KCNQ1: variants seen among roughly 807,000 people sequenced by gnomAD.
KCNQ1 encodes the protein potassium voltage-gated channel subfamily KQT member 1.
Under a neutral mutation model 72.4 loss-of-function variants are expected in KCNQ1, and 49 were observed. The observed-to-expected ratio is 0.68, with a 90% CI of 0.54 to 0.86. KCNQ1 has a LOEUF of 0.86. Ranked by LOEUF, KCNQ1 falls within the 40% of genes least tolerant of loss-of-function variation. The probability of loss-of-function intolerance (pLI) is 0.00; values close to 1 mark genes in which losing one functional copy is unlikely to be tolerated. For synonymous variants in KCNQ1, 450 were observed against 412.6 expected (o/e 1.09, Z -1.10); for missense variants, 790 against 945.1 (o/e 0.84, Z 2.15).
At chr11:2,728,462 G>C (rs773017351) in intron 11 of KCNQ1, among the ~76,000 whole-genome samples, 1 of 152,246 alleles carries the variant, frequency 6.6e-6, no homozygotes, top group East Asian at 1.9e-4. Flanking sequence ...TTGGTGACAA[G>C]AGCTAGGCTG....
In KCNQ1 at chr11:2,746,453, G is replaced by A. The variant is rs2133957944; in HGVS notation, c.1515-22391G>A. ...CCGGGCCCCACCCAGGGTCCCATGT[G>A]ACATTCCTCATCCGTCTCCCTGGGC... On this transcript the variant is annotated intron_variant, in intron 11 of 15. Transcript: ENST00000155840. This position sits in a 1 kb window ranked among gnomAD's most constrained non-coding sequence, Gnocchi z 5.9. 6.6e-6 allele frequency among the ~76,000 whole-genome samples: 1 copy of A among 152,250 alleles called. No individual in the cohort carries two copies. The highest frequency in any genetic ancestry group is 6.5e-5 in the Admixed American group (1 of 15,306).
In KCNQ1 at chr11:2,661,305, A is replaced by G; in HGVS notation, c.1394-656A>G. 2.5e-6 allele frequency: 1 copy of G among 401,028 alleles called. No individual in the cohort carries two copies. Among genetic ancestry groups the G allele is most frequent in the Non-Finnish European group, 4.4e-6 (1 of 227,554 alleles). 24.8% of individuals were successfully genotyped at this position (401,028 alleles called of 1,614,324 possible). On this transcript the variant is annotated intron_variant, in intron 10 of 15. Coordinates refer to ENST00000155840, the MANE Select transcript of KCNQ1 (RefSeq NM_000218.3). This position sits in a 1 kb window ranked among gnomAD's most constrained non-coding sequence, Gnocchi z 5.9. ...GAGCAAATACTGATAGTGTCAACAG[A>G]GAGTGGGGAGTGATAAGGATCAGTA...
rs1846123677 is a variant in KCNQ1 at position 2,451,911 on chromosome 11, CAAGTG to C, written c.386+6429_386+6433del. On this transcript the variant is annotated intron_variant, in intron 1 of 15. Transcript: ENST00000155840. This position sits in a 1 kb window ranked among gnomAD's most constrained non-coding sequence, Gnocchi z 6.4. ...AGAAGCCCTTAGGATGCTGTGGTCT[CAAGTG>C]AGGTGGTGCACTATTCCTGGCCTCA... Among the ~76,000 whole-genome samples the C allele has an allele frequency of 1.3e-5, 2 of 152,176 alleles. No individual in the cohort carries two copies. Among genetic ancestry groups the C allele is most frequent in the South Asian group, 4.1e-4 (2 of 4,832 alleles).
intron 11 of KCNQ1, chr11:2,665,028 G>A: frequency 2.5e-6 from 1 of 398,674 alleles, no homozygotes; most frequent in Non-Finnish European, 4.4e-6. Flanking sequence ...GGTGGGGTGG[G>A]GGGTGAGCAG....
At chr11:2,575,032 G>A (rs956780043) in intron 6 of KCNQ1, among the ~76,000 whole-genome samples, 3 of 152,182 alleles carry the variant, frequency 2.0e-5, no homozygotes, top group Non-Finnish European at 4.4e-5. Context: ...GGGCAGTGAG[G>A]AGCTGGCGGT....
chr11:2,691,221 T>C lies in KCNQ1; in HGVS notation c.1514+29140T>C, dbSNP rs1850582538. The C allele has an allele frequency of 7.5e-6, 3 of 398,440 alleles. No individual in the cohort carries two copies. The highest frequency in any genetic ancestry group is 8.8e-5 in the Admixed American group (2 of 22,706). 24.7% of individuals were successfully genotyped at this position (398,440 alleles called of 1,614,324 possible). On this transcript the variant is annotated intron_variant, in intron 11 of 15. Coordinates refer to ENST00000155840, the MANE Select transcript of KCNQ1 (RefSeq NM_000218.3). The surrounding 1 kb of genome is among the most constrained non-coding windows in gnomAD (Gnocchi z 6.4). ...TTTAAAAATTAGCAAGTGGAGGAGT[T>C]AGAGGATCTGCAGTTAACCCCTTGA...
At position 2,733,857 on chromosome 11, in the gene KCNQ1, C is replaced by CTCTCTCGCTCTTTCTCTCT. The variant is rs147278439; in HGVS notation, c.1515-34987_1515-34986insTCTCTCGCTCTTTCTCTCT. Among the ~76,000 whole-genome samples, 30 of 76,366 alleles carry CTCTCTCGCTCTTTCTCTCT rather than the reference C, an allele frequency of 3.9e-4. 1 individual carries two copies. Among genetic ancestry groups the CTCTCTCGCTCTTTCTCTCT allele is most frequent in the African/African-American group, 1.6e-3 (27 of 16,470 alleles). 50.1% of individuals were successfully genotyped at this position (76,366 alleles called of 152,430 possible). A position where few individuals can be genotyped will look rare whatever the true frequency, so the allele number is the denominator to read the frequency against. The stretch of plus-strand genomic sequence containing the variant: ...TCTCTCTCTCTCTCTCTCTCTCTCT[C>CTCTCTCGCTCTTTCTCTCT]CCCCCCCACTTCAGGGCCTTCGCGC... On this transcript the variant is annotated intron_variant, in intron 11 of 15. Coordinates refer to ENST00000155840, the MANE Select transcript of KCNQ1 (RefSeq NM_000218.3).
intron 2 of KCNQ1, 146 bp downstream of exon 2, chr11:2,528,164 TC>T: frequency 1.3e-6 from 1 of 758,164 alleles, no homozygotes. Flanking sequence ...AGGGGGCACC[TC>T]CCCAGCCCCC....
intron 1 of KCNQ1, among the ~76,000 whole-genome samples, chr11:2,467,049 A>G (rs1433608280): frequency 6.6e-6 from 1 of 152,150 alleles, no homozygotes; most frequent in Non-Finnish European, 1.5e-5. Flanking sequence ...GAAGCCCGAC[A>G]GATGGGGGCA....
rs924144948 is a variant in KCNQ1, at chr11:2,620,599, A to C, written c.1393+31745A>C. 3.3e-5 allele frequency: 13 copies of C among 397,600 alleles called. No homozygotes were observed. The Admixed American group carries it at 4.8e-4, about 15-fold the overall frequency. 24.6% of individuals were successfully genotyped at this position (397,600 alleles called of 1,614,324 possible). On this transcript the variant is annotated intron_variant, in intron 10 of 15. Coordinates refer to ENST00000155840, the MANE Select transcript of KCNQ1 (RefSeq NM_000218.3). The surrounding 1 kb of genome is among the most constrained non-coding windows in gnomAD (Gnocchi z 4.5). ...TTTATCCAATCCACCACTGATGGGC[A>C]TCTAAGTGGATTCCATGTCTTTGCT... is the stretch of plus-strand genomic sequence containing the variant.
At chr11:2,644,876 G>A in intron 10 of KCNQ1, 3 of 398,834 alleles carry the variant, frequency 7.5e-6, no homozygotes, top group Non-Finnish European at 8.8e-6. Flanking sequence ...GGTGGAGGCT[G>A]TGGTAAAGTC....
chr11:2,535,519 C>T (rs1359512661), intron 2 of KCNQ1, among the ~76,000 whole-genome samples: 1 of 152,254 alleles, frequency 6.6e-6, no homozygotes, highest in South Asian at 2.1e-4. Context: ...CCACCGGATA[C>T]AAGTCCCTCC....
chr11:2,572,218 T>TGGGTGCCTGGGCGCAG (rs1848348675), intron 5 of KCNQ1, 109 bp downstream of exon 5: 5 of 784,368 alleles, frequency 6.4e-6, no homozygotes, highest in East Asian at 2.7e-5. Context: ...CGGGGGCCGG[T>TGGGTGCCTGGGCGCAG]GGGTGCCTGG....
rs531544062 is a variant in KCNQ1 at position 2,543,358 on chromosome 11, C to G, written c.477+15340C>G. ...GCGTAAACGTAGCTCACTGCAACCTCGAATTCCTGGGCTCCGAGGATCCTC... is the reference window on the plus strand; with the variant it reads ...GCGTAAACGTAGCTCACTGCAACCTGGAATTCCTGGGCTCCGAGGATCCTC... On this transcript the variant is annotated intron_variant, in intron 2 of 15. Coordinates refer to ENST00000155840, the MANE Select transcript of KCNQ1 (RefSeq NM_000218.3). The surrounding 1 kb of genome is among the most constrained non-coding windows in gnomAD (Gnocchi z 5.6). Among the ~76,000 whole-genome samples, 1 of 152,062 alleles carries G rather than the reference C, an allele frequency of 6.6e-6. No individual in the cohort carries two copies. The highest frequency in any genetic ancestry group is 2.4e-5 in the African/African-American group (1 of 41,400).
Position 2,836,667 on chromosome 11 carries a change from G to T in KCNQ1, c.1795-11100G>T, listed in dbSNP as rs234866. On this transcript the variant is annotated intron_variant, in intron 15 of 15. Transcript: ENST00000155840. ...GCCAGCACTGTCCCCGTGATTCTAC[G>T]TGCAGCCTCCACAAGTGTGTCGCAT... is the stretch of plus-strand genomic sequence containing the variant. 2.0e-5 allele frequency among the ~76,000 whole-genome samples: 3 copies of T among 152,118 alleles called. No homozygotes were observed. The East Asian group carries it at 5.8e-4, about 29-fold the overall frequency.
At position 2,612,712 on chromosome 11, in the gene KCNQ1, C is replaced by T. The variant is rs575256498; in HGVS notation, c.1393+23858C>T. 29 of 398,524 alleles carry T rather than the reference C, an allele frequency of 7.3e-5. No individual in the cohort carries two copies. The highest frequency in any genetic ancestry group is 6.4e-4 in the East Asian group (18 of 28,056). The allele number at this position is 398,524 out of a possible 1,614,324, so 24.7% of individuals were successfully genotyped here. On this transcript the variant is annotated intron_variant, in intron 10 of 15. Transcript: ENST00000155840. The surrounding 1 kb of genome is among the most constrained non-coding windows in gnomAD (Gnocchi z 5.5). ...AGTTATAATACTTACTTTGAAATCGCGCCCTAACATTTGGGGCCCTTCAGA... is the reference window on the plus strand; with the variant it reads ...AGTTATAATACTTACTTTGAAATCGTGCCCTAACATTTGGGGCCCTTCAGA...
intron 10 of KCNQ1, chr11:2,656,947 A>G: frequency 2.5e-6 from 1 of 398,632 alleles, no homozygotes; most frequent in East Asian, 3.6e-5. Context: ...CAGTGTGGGT[A>G]TCCAACTGCT....
intron 10 of KCNQ1, chr11:2,648,379 C>T: frequency 2.5e-6 from 1 of 398,542 alleles, no homozygotes; most frequent in Non-Finnish European, 4.4e-6. Flanking sequence ...TGTTTAAAAA[C>T]TTTCTACCTT....
Position 2,671,380 on chromosome 11 carries a change from C to T in KCNQ1, c.1514+9299C>T. On this transcript the variant is annotated intron_variant, in intron 11 of 15. Coordinates refer to ENST00000155840, the MANE Select transcript of KCNQ1 (RefSeq NM_000218.3). This position sits in a 1 kb window ranked among gnomAD's most constrained non-coding sequence, Gnocchi z 4.7. Reference sequence around the variant, plus strand: ...GAATATCCTGAAAAAGGTACAGGAACACCTGGCATGCCTCTCCCAGGGTAC... The same window carrying T: ...GAATATCCTGAAAAAGGTACAGGAATACCTGGCATGCCTCTCCCAGGGTAC... The T allele has an allele frequency of 5.0e-6, 2 of 398,614 alleles. No individual in the cohort carries two copies. The highest frequency in any genetic ancestry group is 8.8e-6 in the Non-Finnish European group (2 of 226,070). 24.7% of individuals were successfully genotyped at this position (398,614 alleles called of 1,614,324 possible). A position where few individuals can be genotyped will look rare whatever the true frequency, so the allele number is the denominator to read the frequency against.
Sources: allele counts gnomAD v4.1 joint callset (sites outside exome capture counted in the v4.1 genomes callset), GRCh38; gene constraint gnomAD v4.1.1; non-coding constraint Gnocchi (gnomAD v3.1); transcripts MANE v1.5; gene names NCBI Gene and HGNC (gene_info 2026-07-23, HGNC 2026-07-21).